ATAD2: variants seen among roughly 807,000 people sequenced by gnomAD.
ATAD2 encodes ATPase family AAA domain containing 2.
A neutral mutation model predicts 168.9 loss-of-function variants in ATAD2; 62 were observed. The observed-to-expected ratio is 0.37, with a 90% CI of 0.30 to 0.45. The LOEUF (loss-of-function observed/expected upper bound fraction) is 0.45, where lower values mean the gene tolerates loss of function less well. ATAD2 is among the 20% of genes least tolerant of loss of function. The pLI, the probability that ATAD2 is intolerant of heterozygous loss-of-function variation, is 1.00. For missense variants in ATAD2, 1,419 were observed against 1,667.8 expected (o/e 0.85, Z 2.60); for synonymous variants, 613 against 571.6 (o/e 1.07, Z -1.03).
chr8:123,402,054 C>T lies in ATAD2; in HGVS notation c.-2281-879G>A. 2 of 1,504,978 alleles carry T rather than the reference C, an allele frequency of 1.3e-6. No homozygotes were observed. Among genetic ancestry groups the T allele is most frequent in the Admixed American group, 1.7e-5 (1 of 59,344 alleles). 93.2% of individuals were successfully genotyped at this position (1,504,978 alleles called of 1,614,324 possible). On this transcript the variant is annotated intron_variant, in intron 1 of 28. Coordinates refer to the ATAD2 transcript ENST00000521903. This position sits in a 1 kb window ranked among gnomAD's most constrained non-coding sequence, Gnocchi z 4.8. ...AAGTTTGAGAAGCGTACCATGTCGG[C>T]CCAGATTGAGGGTGGCGTCCATGGC...
At chr8:123,364,176 C>A (rs1828901067) in intron 8 of ATAD2, among the ~76,000 whole-genome samples, 1 of 151,944 alleles carries the variant, frequency 6.6e-6, no homozygotes. Context: ...CTAATTCTCA[C>A]AATACTATGA....
At chr8:123,393,102 G>A (rs567991246) in intron 1 of ATAD2, among the ~76,000 whole-genome samples, 7 of 151,240 alleles carry the variant, frequency 4.6e-5, no homozygotes, top group African/African-American at 1.7e-4. Flanking sequence ...GGAGAATGGC[G>A]TGAACCCGGG....
Position 123,402,342 on chromosome 8 carries a change from A to G in ATAD2, c.-2281-1167T>C, listed in dbSNP as rs1013578902. The stretch of plus-strand genomic sequence containing the variant: ...CCTGGGAGGCCCCCAGAGCCCAGCC[A>G]GCTGGGCTTTCAGGCCCTACGCCTG... On this transcript the variant is annotated intron_variant, in intron 1 of 28. Coordinates refer to the ATAD2 transcript ENST00000521903. This position sits in a 1 kb window ranked among gnomAD's most constrained non-coding sequence, Gnocchi z 4.8. 2.0e-5 allele frequency among the ~76,000 whole-genome samples: 3 copies of G among 152,090 alleles called. No individual in the cohort carries two copies. The highest frequency in any genetic ancestry group is 7.2e-5 in the African/African-American group (3 of 41,440).
At chr8:123,409,492 G>A (rs1028652944) in intron 1 of ATAD2, among the ~76,000 whole-genome samples, 1 of 152,038 alleles carries the variant, frequency 6.6e-6, no homozygotes, top group African/African-American at 2.4e-5. Context: ...ATTTTGTTTT[G>A]CCAATTTGTT....
Position 123,333,958 on chromosome 8 carries a change from A to G in ATAD2, c.3398T>C (p.Leu1133Pro). 3 of 1,614,174 alleles carry G rather than the reference A, an allele frequency of 1.9e-6. No individual in the cohort carries two copies. The highest frequency in any genetic ancestry group is 1.1e-5 in the South Asian group (1 of 91,080). The change falls in exon 24 of 28, where the codon CTT becomes CCT. Residue 1133 changes from leucine (L) to proline (P), a missense_variant. Coordinates refer to ENST00000287394, the MANE Select transcript of ATAD2 (RefSeq NM_014109.4). ...TGGGTCTGATCTTTTATCACCAACA[A>G]GAGTGGAATTTTGCTTTGGCATCAC... ...YHVMPKQNST[L>P]VGDKRSDPEQ... is the part of the protein sequence containing the mutation.
chr8:123,366,162 A>C (rs1397299546), intron 8 of ATAD2, among the ~76,000 whole-genome samples: 3 of 152,228 alleles, frequency 2.0e-5, no homozygotes, highest in African/African-American at 7.2e-5. Context: ...CAAACATATG[A>C]AAAAATGCTC....
In ATAD2 at chr8:123,320,990, T is replaced by C; in HGVS notation, c.*144A>G. Reference sequence around the variant, plus strand: ...ATTTATCTTAATATGTACATAAATATCAGGAAAGTTTAAATACTTTTATTT... The same window carrying C: ...ATTTATCTTAATATGTACATAAATACCAGGAAAGTTTAAATACTTTTATTT... On this transcript the variant is annotated 3_prime_UTR_variant, in exon 28 of 28. Transcript: ENST00000287394. The C allele has an allele frequency of 1.4e-6, 1 of 705,356 alleles. No individual in the cohort carries two copies. Among genetic ancestry groups the C allele is most frequent in the Non-Finnish European group, 2.3e-6 (1 of 425,708 alleles). The allele number at this position is 705,356 out of a possible 1,614,324, so 43.7% of individuals were successfully genotyped here. A position where few individuals can be genotyped will look rare whatever the true frequency, so the allele number is the denominator to read the frequency against.
intron 1 of ATAD2, among the ~76,000 whole-genome samples, chr8:123,414,092 CAAAAAAAAAAAAAAAAAA>C (rs57662854): frequency 2.5e-5 from 1 of 40,590 alleles, no homozygotes; most frequent in Non-Finnish European, 4.1e-5. Context: ...ACTCTTATCT[CAAAAAAAAAAAAAAAAAA>C]AAAAAAAAAA....
At chr8:123,380,011 T>G (rs1829447128) in intron 2 of ATAD2, among the ~76,000 whole-genome samples, 1 of 150,706 alleles carries the variant, frequency 6.6e-6, no homozygotes, top group Non-Finnish European at 1.5e-5. Context: ...CTCAGCCTCC[T>G]GAGTAGCTGG....
intron 1 of ATAD2, among the ~76,000 whole-genome samples, chr8:123,383,717 G>A (rs1364894536): frequency 6.6e-6 from 1 of 151,682 alleles, no homozygotes; most frequent in African/African-American, 2.4e-5. Flanking sequence ...AGGTTGCGGT[G>A]AGCCGGGATC....
At chr8:123,386,350 A>G (rs1234863043) in intron 1 of ATAD2, among the ~76,000 whole-genome samples, 1 of 152,202 alleles carries the variant, frequency 6.6e-6, no homozygotes, top group Non-Finnish European at 1.5e-5. Context: ...TAAAAAAGGA[A>G]ATTTTAACAC....
Position 123,369,164 on chromosome 8 carries a change from G to A in ATAD2, c.943C>T (p.Gln315Ter). The A allele has an allele frequency of 1.3e-6, 2 of 1,510,562 alleles. No homozygotes were observed. Among genetic ancestry groups the A allele is most frequent in the Non-Finnish European group, 1.8e-6 (2 of 1,117,880 alleles). 93.6% of individuals were successfully genotyped at this position (1,510,562 alleles called of 1,614,324 possible). A position where few individuals can be genotyped will look rare whatever the true frequency, so the allele number is the denominator to read the frequency against. Residue 315 changes from glutamine to a stop codon, truncating the protein, a stop_gained, in exon 8 of 28, where the codon CAG (glutamine) becomes TAG (stop). Transcript: ENST00000287394. LOFTEE classifies it high-confidence loss of function. The stretch of plus-strand genomic sequence containing the variant: ...CTATAAAATATGTTGGGCTTTCTCT[G>A]GTGACGAGGTTCTAAAAAAAAGAAA... ...YQAPLEKPRH[Q>*]RKPNIFYSGP...
At chr8:123,329,708 T>A (rs1038634195) in intron 24 of ATAD2, among the ~76,000 whole-genome samples, 2 of 127,226 alleles carry the variant, frequency 1.6e-5, no homozygotes, top group Non-Finnish European at 3.1e-5. Flanking sequence ...ATCGAGATCA[T>A]GCCACTGCAC....
intron 12 of ATAD2, among the ~76,000 whole-genome samples, chr8:123,356,864 T>C (rs1012903951): frequency 2.6e-5 from 4 of 152,040 alleles, no homozygotes; most frequent in Non-Finnish European, 5.9e-5. Context: ...ATTATAATGA[T>C]ATATGGTTTA....
At chr8:123,399,255 C>T (rs1235207917), upstream of ATAD2, among the ~76,000 whole-genome samples, 3 of 147,992 alleles carry the variant, frequency 2.0e-5, no homozygotes, top group Non-Finnish European at 3.0e-5. Context: ...AGCAAGACTC[C>T]GTCTCAAAAA....
chr8:123,400,286 C>T (rs1233358737), upstream of ATAD2, among the ~76,000 whole-genome samples: 2 of 152,192 alleles, frequency 1.3e-5, no homozygotes, highest in Non-Finnish European at 2.9e-5. This position sits in a 1 kb window ranked among gnomAD's most constrained non-coding sequence, Gnocchi z 4.5. Flanking sequence ...ATGGGAAGAA[C>T]AAGTGCAAAG....
At chr8:123,386,020 CAA>C (rs58687997) in intron 1 of ATAD2, among the ~76,000 whole-genome samples, 42 of 81,008 alleles carry the variant, frequency 5.2e-4, no homozygotes, top group Admixed American at 9.9e-4. Flanking sequence ...TGGCTACTCA[CAA>C]AAAAAAAAAA....
At chr8:123,321,938 CTAAT>C (rs1016452356) in intron 27 of ATAD2, among the ~76,000 whole-genome samples, 1 of 151,218 alleles carries the variant, frequency 6.6e-6, no homozygotes, top group Non-Finnish European at 1.5e-5. Context: ...TATTAATGCT[CTAAT>C]TAACACTATA....
rs71808201 is a variant in ATAD2, at chr8:123,378,701, C to CAAAAAAAAAAA, written c.320+1817_320+1827dup. Among the ~76,000 whole-genome samples, 47 of 73,032 alleles carry CAAAAAAAAAAA rather than the reference C, an allele frequency of 6.4e-4. 1 individual carries two copies. The highest frequency in any genetic ancestry group is 2.6e-3 in the African/African-American group (44 of 17,176). The allele number at this position is 73,032 out of a possible 152,430, so 47.9% of individuals were successfully genotyped here. On this transcript the variant is annotated intron_variant, in intron 2 of 27. Transcript: ENST00000287394. Reference sequence around the variant, plus strand: ...TGGGCAACAGAGCAAGACTGTGTCTCAAAAAAAAAAAAAAAAAAAAAAAAT... The same window carrying CAAAAAAAAAAA: ...TGGGCAACAGAGCAAGACTGTGTCTCAAAAAAAAAAAAAAAAAAAAAAAAAAAAAAAAAAAT...
Sources: allele counts gnomAD v4.1 joint callset (sites outside exome capture counted in the v4.1 genomes callset), GRCh38; gene constraint gnomAD v4.1.1; non-coding constraint Gnocchi (gnomAD v3.1); transcripts MANE v1.5; gene names NCBI Gene and HGNC (gene_info 2026-07-23, HGNC 2026-07-21).